The following GNB1 variants were observed in gnomAD, a reference collection of about 807,000 sequenced individuals.
GNB1 encodes G protein subunit beta 1.
A neutral mutation model predicts 42.9 loss-of-function variants in GNB1; 2 were observed. That is an observed-to-expected ratio of 0.05 (90% CI 0.02 to 0.15). The LOEUF is 0.15. Ranked by LOEUF, GNB1 falls within the 10% of genes least tolerant of loss-of-function variation. The pLI is 1.00. For missense variants in GNB1, 193 were observed against 462.2 expected (o/e 0.42, Z 5.34); for synonymous variants, 183 against 174.7 (o/e 1.05, Z -0.38).
At chr1:1,820,564 T>C (rs1157691927) in intron 3 of GNB1, among the ~76,000 whole-genome samples, 1 of 152,104 alleles carries the variant, frequency 6.6e-6, no homozygotes, top group Non-Finnish European at 1.5e-5. Flanking sequence ...CAGAAGTCTT[T>C]TTGTCAATGA....
At chr1:1,871,092 T>A (rs911811200) in intron 1 of GNB1, among the ~76,000 whole-genome samples, 2 of 152,156 alleles carry the variant, frequency 1.3e-5, no homozygotes, top group African/African-American at 4.8e-5. Context: ...TTGACTCCAA[T>A]CTGGCTTTCA....
At chr1:1,863,837 A>G (rs1648764843) in intron 1 of GNB1, among the ~76,000 whole-genome samples, 2 of 152,178 alleles carry the variant, frequency 1.3e-5, no homozygotes, top group Admixed American at 1.3e-4. Flanking sequence ...CATAATTGAT[A>G]ACATTTTTTT....
intron 2 of GNB1, among the ~76,000 whole-genome samples, chr1:1,827,145 CTA>C (rs1258040815): frequency 1.3e-5 from 2 of 152,234 alleles, no homozygotes; most frequent in Non-Finnish European, 2.9e-5. Flanking sequence ...CTGTGGGAAA[CTA>C]TCCGATGACC....
intron 1 of GNB1, among the ~76,000 whole-genome samples, chr1:1,880,933 G>T (rs1366879670): frequency 6.6e-6 from 1 of 152,118 alleles, no homozygotes; most frequent in Non-Finnish European, 1.5e-5. Context: ...AGACAAGAGT[G>T]GGGTAAAACA....
chr1:1,852,337 T>C (rs1162997665), intron 1 of GNB1, among the ~76,000 whole-genome samples: 1 of 151,970 alleles, frequency 6.6e-6, no homozygotes, highest in African/African-American at 2.4e-5. Flanking sequence ...CACACCATTC[T>C]CCTGCCTCAG....
At position 1,852,255 on chromosome 1, in the gene GNB1, A is replaced by G. The variant is rs368543681; in HGVS notation, c.-95-13017T>C. Among the ~76,000 whole-genome samples, 1,280 of 151,940 alleles carry G rather than the reference A, an allele frequency of 8.4e-3. 21 individuals carry two copies. Among genetic ancestry groups the G allele is most frequent in the African/African-American group, 0.03 (1,228 of 41,470 alleles). On this transcript the variant is annotated intron_variant, in intron 1 of 11. Coordinates refer to ENST00000378609, the MANE Select transcript of GNB1 (RefSeq NM_002074.5). Reference sequence around the variant, plus strand: ...CCTCTCAAATTTTTTTTGAGACGGCATCTTGCTCTGTCGCCCAGGCTGGAA... The same window carrying G: ...CCTCTCAAATTTTTTTTGAGACGGCGTCTTGCTCTGTCGCCCAGGCTGGAA...
At chr1:1,847,200 C>T (rs781115917) in intron 1 of GNB1, among the ~76,000 whole-genome samples, 11 of 152,168 alleles carry the variant, frequency 7.2e-5, no homozygotes, top group Non-Finnish European at 1.2e-4. Flanking sequence ...ATGATCAGGA[C>T]TGCTCTTATC....
chr1:1,844,931 G>A (rs953343498), intron 1 of GNB1, among the ~76,000 whole-genome samples: 1 of 152,134 alleles, frequency 6.6e-6, no homozygotes, highest in Admixed American at 6.5e-5. Context: ...GGGCTTGTAA[G>A]AAACAAAGTA....
At chr1:1,788,612 C>T (rs550842530) in intron 10 of GNB1, 2 of 176,668 alleles carry the variant, frequency 1.1e-5, no homozygotes, top group South Asian at 2.5e-4. Context: ...GTCAACAGTT[C>T]TCAAATTCAA....
rs565390471 is a variant in GNB1 at position 1,887,323 on chromosome 1, G to A, written c.-96+3497C>T. Among the ~76,000 whole-genome samples the A allele has an allele frequency of 3.3e-5, 5 of 152,316 alleles. No homozygotes were observed. In the East Asian group the frequency reaches 9.6e-4, roughly 29 times the overall value. On this transcript the variant is annotated intron_variant, in intron 1 of 11. Coordinates refer to ENST00000378609, the MANE Select transcript of GNB1 (RefSeq NM_002074.5). ...AAGTATTAGCTACAAAAAGTCAACT[G>A]ATGGTAGATGAAGTCTAGAGATGCC...
At chr1:1,795,502 A>C (rs910341836) in intron 7 of GNB1, among the ~76,000 whole-genome samples, 7 of 152,170 alleles carry the variant, frequency 4.6e-5, no homozygotes, top group Admixed American at 2.6e-4. Context: ...GCGGTGGCTC[A>C]TGACTGTAAT....
chr1:1,848,251 C>A (rs1305602312), intron 1 of GNB1, among the ~76,000 whole-genome samples: 1 of 150,558 alleles, frequency 6.6e-6, no homozygotes, highest in African/African-American at 2.4e-5. Flanking sequence ...TGGTGGCGGG[C>A]GCCTGTAATC....
chr1:1,830,006 C>T (rs1197681156), intron 2 of GNB1, among the ~76,000 whole-genome samples: 4 of 152,086 alleles, frequency 2.6e-5, no homozygotes, highest in Admixed American at 1.3e-4. Flanking sequence ...TCCCAAAGTG[C>T]TGGGATTACA....
intron 5 of GNB1, among the ~76,000 whole-genome samples, chr1:1,809,527 G>GT (rs1161334651): frequency 6.6e-6 from 1 of 152,158 alleles, no homozygotes; most frequent in Non-Finnish European, 1.5e-5. Context: ...TTATTTCTAC[G>GT]TAATGGTATC....
chr1:1,814,837 G>A (rs1313805229), intron 5 of GNB1, among the ~76,000 whole-genome samples: 1 of 150,864 alleles, frequency 6.6e-6, no homozygotes, highest in Admixed American at 6.6e-5. Context: ...AAGAGGCTGG[G>A]CGTAGTGGCT....
At chr1:1,887,040 T>G (rs189011761) in intron 1 of GNB1, among the ~76,000 whole-genome samples, 185 of 152,294 alleles carry the variant, frequency 1.2e-3, no homozygotes, top group African/African-American at 4.2e-3. Flanking sequence ...TATAAAAATT[T>G]TTGTTCCATG....
At position 1,790,106 on chromosome 1, in the gene GNB1, ACTGGTGGC is replaced by A. The variant is rs1646462261; in HGVS notation, c.699+281_699+288del. Reference sequence around the variant, plus strand: ...CCCTGACCAGTAAGGCTCTGTAACCACTGGTGGCCTGAGTTATCTTACTGTCTTTCCCC... The same window carrying A: ...CCCTGACCAGTAAGGCTCTGTAACCACTGAGTTATCTTACTGTCTTTCCCC... On this transcript the variant is annotated intron_variant, in intron 9 of 11. Transcript: ENST00000378609. This position sits in a 1 kb window ranked among gnomAD's most constrained non-coding sequence, Gnocchi z 5.4. 6.6e-6 allele frequency among the ~76,000 whole-genome samples: 1 copy of A among 152,144 alleles called. No individual in the cohort carries two copies. Among genetic ancestry groups the A allele is most frequent in the African/African-American group, 2.4e-5 (1 of 41,428 alleles).
intron 2 of GNB1, among the ~76,000 whole-genome samples, chr1:1,830,913 C>A (rs542565183): frequency 3.3e-5 from 5 of 152,244 alleles, no homozygotes; most frequent in Admixed American, 1.3e-4. Flanking sequence ...CCTATAATCC[C>A]AGCACTTTGA....
At chr1:1,872,003 CT>C (rs570433638) in intron 1 of GNB1, among the ~76,000 whole-genome samples, 83 of 145,810 alleles carry the variant, frequency 5.7e-4, no homozygotes, top group Non-Finnish European at 6.5e-4. Context: ...AATCTTTTTT[CT>C]TTTTTTTTTT....
Sources: allele counts gnomAD v4.1 joint callset (sites outside exome capture counted in the v4.1 genomes callset), GRCh38; gene constraint gnomAD v4.1.1; non-coding constraint Gnocchi (gnomAD v3.1); transcripts MANE v1.5; gene names NCBI Gene and HGNC (gene_info 2026-07-23, HGNC 2026-07-21).